Variants in TMEM132B observed in about 807,000 individuals in gnomAD.
TMEM132B encodes the protein transmembrane protein 132B.
A neutral mutation model predicts 90.8 loss-of-function variants in TMEM132B; 18 were observed. The observed-to-expected ratio is 0.20, with a 90% CI of 0.14 to 0.29. The LOEUF is 0.29. Ranked by LOEUF, TMEM132B falls within the 10% of genes least tolerant of loss-of-function variation. The probability of loss-of-function intolerance (pLI) is 1.00; values close to 1 mark genes in which losing one functional copy is unlikely to be tolerated. For synonymous variants in TMEM132B, 504 were observed against 523.3 expected, an observed-to-expected ratio of 0.96 and a Z score of 0.50; for missense variants, 1,096 against 1,326.8, an observed-to-expected ratio of 0.83 and a Z score of 2.70.
rs191671680 is a variant in TMEM132B, at chr12:125,490,767, A to G, written c.1107-28672A>G. On this transcript the variant is annotated intron_variant, in intron 3 of 8. Transcript: ENST00000682704. This position sits in a 1 kb window ranked among gnomAD's most constrained non-coding sequence, Gnocchi z 4.2. Reference sequence around the variant, plus strand: ...AGGTGTGAGCCACCGCGCCCGGCCAATTTCTTTCCTTTTGAGTGTAGGCAG... The same window carrying G: ...AGGTGTGAGCCACCGCGCCCGGCCAGTTTCTTTCCTTTTGAGTGTAGGCAG... 2.9e-3 allele frequency among the ~76,000 whole-genome samples: 437 copies of G among 152,222 alleles called. 2 individuals are homozygous for G. The highest frequency in any genetic ancestry group is 0.01 in the African/African-American group (422 of 41,520).
intron 5 of TMEM132B, among the ~76,000 whole-genome samples, chr12:125,625,172 G>T (rs556469078): frequency 2.5e-5 from 3 of 118,852 alleles, no homozygotes; most frequent in Admixed American, 1.1e-4. Context: ...TCGCTCTGTT[G>T]CCCAGGCTGG....
chr12:125,274,880 G>A (rs754792242), intron 1 of TMEM132B, among the ~76,000 whole-genome samples: 3 of 152,048 alleles, frequency 2.0e-5, no homozygotes, highest in Admixed American at 6.5e-5. Context: ...CTATGATGAC[G>A]CTACTGCATT....
intron 3 of TMEM132B, among the ~76,000 whole-genome samples, chr12:125,436,245 A>C (rs1412897104): frequency 2.0e-5 from 3 of 152,190 alleles, no homozygotes; most frequent in Admixed American, 2.0e-4. Context: ...TAATGGCTGC[A>C]CCACAGGTGT....
intron 1 of TMEM132B, among the ~76,000 whole-genome samples, chr12:125,235,593 C>A (rs1361800510): frequency 6.6e-6 from 1 of 152,100 alleles, no homozygotes; most frequent in Non-Finnish European, 1.5e-5. Flanking sequence ...CAAAAGGAAA[C>A]CCCATACTCA....
intron 1 of TMEM132B, among the ~76,000 whole-genome samples, chr12:125,256,895 T>C (rs1874450465): frequency 6.6e-6 from 1 of 152,196 alleles, no homozygotes; most frequent in Admixed American, 6.5e-5. Flanking sequence ...AACAGGGGGC[T>C]CTTTACACAG....
intron 4 of TMEM132B, among the ~76,000 whole-genome samples, chr12:125,526,954 C>A (rs1883481201): frequency 6.8e-6 from 1 of 146,668 alleles, no homozygotes; most frequent in Non-Finnish European, 1.5e-5. Flanking sequence ...CACCACCCTT[C>A]TATCCACCCA....
intron 1 of TMEM132B, among the ~76,000 whole-genome samples, chr12:125,273,093 C>T (rs914881608): frequency 5.3e-5 from 8 of 151,946 alleles, no homozygotes; most frequent in African/African-American, 1.7e-4. Context: ...GGAATAAAAC[C>T]GTACAATGAA....
At chr12:125,478,415 C>G (rs993510803) in intron 3 of TMEM132B, among the ~76,000 whole-genome samples, 34 of 152,098 alleles carry the variant, frequency 2.2e-4, no homozygotes, top group African/African-American at 7.7e-4. Context: ...GTAGAGAAGA[C>G]CTTAAATGAC....
chr12:125,652,686 A>C, intron 8 of TMEM132B, 54 bp downstream of exon 8: 1 of 1,548,904 alleles, frequency 6.5e-7, no homozygotes, highest in South Asian at 1.2e-5. Context: ...CTTCTCTCTC[A>C]GTTAGCACAT....
chr12:125,208,147 C>G (rs952193673), intron 1 of TMEM132B, among the ~76,000 whole-genome samples: 1 of 152,168 alleles, frequency 6.6e-6, no homozygotes, highest in Non-Finnish European at 1.5e-5. Flanking sequence ...AGCTTGAACC[C>G]ACATCTCCCT....
At chr12:125,403,638 A>C (rs1879381258) in intron 2 of TMEM132B, among the ~76,000 whole-genome samples, 1 of 152,268 alleles carries the variant, frequency 6.6e-6, no homozygotes, top group Admixed American at 6.5e-5. Flanking sequence ...ATTTGGACTA[A>C]GGACTGGGAT....
intron 1 of TMEM132B, among the ~76,000 whole-genome samples, chr12:125,187,177 C>T (rs1337121920): frequency 6.6e-6 from 1 of 152,224 alleles, no homozygotes; most frequent in Non-Finnish European, 1.5e-5. Context: ...GAGCCCCCTC[C>T]CCGCCCTGCC....
At chr12:125,242,889 C>T (rs1277873737) in intron 1 of TMEM132B, among the ~76,000 whole-genome samples, 1 of 152,030 alleles carries the variant, frequency 6.6e-6, no homozygotes, top group Non-Finnish European at 1.5e-5. Context: ...GACTGGTGCT[C>T]ACTTTGCTGT....
intron 4 of TMEM132B, among the ~76,000 whole-genome samples, chr12:125,542,184 G>A (rs977540130): frequency 2.6e-5 from 4 of 152,150 alleles, no homozygotes; most frequent in African/African-American, 9.7e-5. Context: ...GTACATTAAT[G>A]CGTACCTCTA....
intron 8 of TMEM132B, 142 bp downstream of exon 8, chr12:125,652,774 C>A: frequency 2.1e-6 from 2 of 975,448 alleles, no homozygotes; most frequent in Non-Finnish European, 1.5e-6. Context: ...TCCAGGCCAC[C>A]CTGTCTCTGA....
At chr12:125,482,898 T>G (rs898297938) in intron 3 of TMEM132B, among the ~76,000 whole-genome samples, 1 of 152,248 alleles carries the variant, frequency 6.6e-6, no homozygotes, top group East Asian at 1.9e-4. Flanking sequence ...ATATACACCA[T>G]GGAATACTAT....
chr12:125,297,443 G>A (rs1875699469), intron 1 of TMEM132B, among the ~76,000 whole-genome samples: 1 of 152,202 alleles, frequency 6.6e-6, no homozygotes. Flanking sequence ...CTGGCTTAGT[G>A]CTGTTCCCAA....
intron 4 of TMEM132B, among the ~76,000 whole-genome samples, chr12:125,521,942 G>A (rs948402536): frequency 2.0e-5 from 3 of 152,182 alleles, no homozygotes; most frequent in African/African-American, 7.2e-5. Flanking sequence ...TGAGGGTGAC[G>A]GGCTCCAGCC....
intron 3 of TMEM132B, among the ~76,000 whole-genome samples, chr12:125,477,781 G>T (rs2136517521): frequency 6.6e-6 from 1 of 152,294 alleles, no homozygotes; most frequent in Middle Eastern, 3.4e-3. Context: ...TGGGTGGACT[G>T]CCCCCTCAAG....
Sources: gnomAD v4.1 joint callset for allele counts (sites outside exome capture counted in the v4.1 genomes callset) on GRCh38, gnomAD v4.1.1 for gene constraint, Gnocchi (gnomAD v3.1) non-coding constraint, MANE v1.5 for transcripts, NCBI Gene and HGNC (gene_info 2026-07-23, HGNC 2026-07-21) for gene names.